The following TECPR2 variants were observed in gnomAD, a reference collection of about 807,000 sequenced individuals.
The protein encoded by TECPR2 is tectonin beta-propeller repeat-containing protein 2.
A neutral mutation model predicts 138.1 loss-of-function variants in TECPR2; 65 were observed. The ratio of observed to expected loss-of-function variants is 0.47; its 90% CI spans 0.39 to 0.58. TECPR2 has a LOEUF of 0.58. Ranked by LOEUF, TECPR2 falls within the 20% of genes least tolerant of loss-of-function variation. The probability of loss-of-function intolerance (pLI) is 0.00; values close to 1 mark genes in which losing one functional copy is unlikely to be tolerated. For synonymous variants in TECPR2, 746 were observed against 749.8 expected (o/e 0.99, Z 0.08); for missense variants, 1,553 against 1,824.5 (o/e 0.85, Z 2.71).
intron 17 of TECPR2, among the ~76,000 whole-genome samples, chr14:102,484,948 T>C (rs759181318): frequency 2.0e-5 from 3 of 152,228 alleles, no homozygotes; most frequent in Non-Finnish European, 4.4e-5. Context: ...CGCGAGCCAC[T>C]GCGCCCGCCC....
At position 102,470,247 on chromosome 14, in the gene TECPR2, T is replaced by C. The variant is rs531562397; in HGVS notation, c.3789+4958T>C. Reference sequence around the variant, plus strand: ...GTAGCCATGTAGGCCTGAACTTTTTTTGTGGGAAGTTTTTTTGACTACTGG... The same window carrying C: ...GTAGCCATGTAGGCCTGAACTTTTTCTGTGGGAAGTTTTTTTGACTACTGG... On this transcript the variant is annotated intron_variant, in intron 17 of 19. Transcript: ENST00000359520. Among the ~76,000 whole-genome samples, 7 of 152,290 alleles carry C rather than the reference T, an allele frequency of 4.6e-5. No homozygotes were observed. The South Asian group carries it at 1.5e-3, about 32-fold the overall frequency.
intron 1 of TECPR2, among the ~76,000 whole-genome samples, chr14:102,365,617 C>T (rs1196910045): frequency 6.6e-6 from 1 of 152,218 alleles, no homozygotes; most frequent in Non-Finnish European, 1.5e-5. Context: ...AGCAACCAGA[C>T]ACAAAATACC....
chr14:102,489,843 A>G (rs191891893), intron 17 of TECPR2, among the ~76,000 whole-genome samples: 1 of 152,140 alleles, frequency 6.6e-6, no homozygotes, highest in Admixed American at 6.5e-5. Flanking sequence ...AAACCAGGGG[A>G]CAGCTAGCCG....
chr14:102,439,630 C>T (rs17718254), intron 10 of TECPR2, among the ~76,000 whole-genome samples: 6,374 of 152,274 alleles, frequency 0.042, 157 homozygotes, highest in Middle Eastern at 0.092. Flanking sequence ...ACTGTGCTAG[C>T]GGGAACTCTG....
At chr14:102,468,125 C>T (rs60302027) in intron 17 of TECPR2, among the ~76,000 whole-genome samples, 14,485 of 151,438 alleles carry the variant, frequency 0.096, 985 homozygotes, top group African/African-American at 0.2. Context: ...GGATTACAGG[C>T]GTGTGCCACC....
intron 16 of TECPR2, among the ~76,000 whole-genome samples, chr14:102,460,198 A>G (rs1201721024): frequency 6.6e-6 from 1 of 152,104 alleles, no homozygotes; most frequent in Admixed American, 6.6e-5. Flanking sequence ...TGAACCCGAG[A>G]GGCAGAGGCT....
Position 102,420,719 on chromosome 14 carries a change from C to G in TECPR2, c.639-4260C>G, listed in dbSNP as rs1889157102. Among the ~76,000 whole-genome samples, 1 of 152,188 alleles carries G rather than the reference C, an allele frequency of 6.6e-6. No homozygotes were observed. The highest frequency in any genetic ancestry group is 6.5e-5 in the Admixed American group (1 of 15,278). On this transcript the variant is annotated intron_variant, in intron 5 of 19. Coordinates refer to ENST00000359520, the MANE Select transcript of TECPR2 (RefSeq NM_014844.5). The surrounding 1 kb of genome is among the most constrained non-coding windows in gnomAD (Gnocchi z 4.1). ...CTCCTGGGCTCAAGCAGTCCTCCCT[C>G]CTTGGCCTCCAAAAGTGCTGGGATT...
chr14:102,383,406 T>G (rs1015329969), intron 2 of TECPR2, among the ~76,000 whole-genome samples: 2 of 151,076 alleles, frequency 1.3e-5, no homozygotes, highest in African/African-American at 4.9e-5. Context: ...GTCTTTTTTG[T>G]TTTTTTTGTT....
intron 16 of TECPR2, among the ~76,000 whole-genome samples, chr14:102,462,815 A>C (rs898501878): frequency 6.6e-6 from 1 of 152,262 alleles, no homozygotes; most frequent in Admixed American, 6.5e-5. Context: ...CGTATCTGAC[A>C]AAAGACTAGT....
chr14:102,404,405 C>T lies in TECPR2; in HGVS notation c.220-2933C>T, dbSNP rs1283909386. On this transcript the variant is annotated intron_variant, in intron 2 of 19. Coordinates refer to ENST00000359520, the MANE Select transcript of TECPR2 (RefSeq NM_014844.5). ...AAAGAACAAAGCTGGAGATCTCAAA[C>T]TTCCTGAACTTAAAACTTAACTGCA... Among the ~76,000 whole-genome samples, 3 of 152,158 alleles carry T rather than the reference C, an allele frequency of 2.0e-5. No homozygotes were observed. The East Asian group carries it at 5.8e-4, about 29-fold the overall frequency.
chr14:102,465,874 C>T (rs910367724), intron 17 of TECPR2, among the ~76,000 whole-genome samples: 1 of 152,138 alleles, frequency 6.6e-6, no homozygotes, highest in African/African-American at 2.4e-5. Context: ...CCTTAAAGAT[C>T]CCACAGGCTT....
In TECPR2 at chr14:102,443,117, C is replaced by G. The variant is rs539618579; in HGVS notation, c.2753-530C>G. On this transcript the variant is annotated intron_variant, in intron 11 of 19. Coordinates refer to ENST00000359520, the MANE Select transcript of TECPR2 (RefSeq NM_014844.5). The surrounding 1 kb of genome is among the most constrained non-coding windows in gnomAD (Gnocchi z 4.9). ...AACGACTGCAGGCCTCAGGTCCCTG[C>G]CAACTCCAGCAGCGCTGCAGCCCTC... Among the ~76,000 whole-genome samples the G allele has an allele frequency of 1.3e-5, 2 of 152,366 alleles. No homozygotes were observed. Among genetic ancestry groups the G allele is most frequent in the East Asian group, 3.9e-4 (2 of 5,194 alleles).
At chr14:102,459,926 C>G (rs919044945) in intron 16 of TECPR2, among the ~76,000 whole-genome samples, 9 of 152,138 alleles carry the variant, frequency 5.9e-5, no homozygotes, top group Admixed American at 1.3e-4. Flanking sequence ...GCAGCACTAA[C>G]TCATTGTTAG....
intron 1 of TECPR2, among the ~76,000 whole-genome samples, chr14:102,371,625 A>C (rs919608233): frequency 2.0e-5 from 3 of 152,238 alleles, no homozygotes; most frequent in African/African-American, 7.2e-5. Context: ...CGTGTGAGGC[A>C]TAAATTGATA....
intron 17 of TECPR2, among the ~76,000 whole-genome samples, chr14:102,480,247 C>T (rs868126748): frequency 4.0e-5 from 6 of 148,912 alleles, no homozygotes; most frequent in South Asian, 2.1e-4. Flanking sequence ...TTATTTGAGA[C>T]GGAGTCTTGC....
intron 15 of TECPR2, among the ~76,000 whole-genome samples, chr14:102,451,871 A>G (rs529072503): frequency 6.6e-6 from 1 of 152,210 alleles, no homozygotes; most frequent in East Asian, 1.9e-4. Flanking sequence ...GAAGAGAAGC[A>G]CTTCCAGCTT....
At chr14:102,403,115 A>G (rs1888540822) in intron 2 of TECPR2, among the ~76,000 whole-genome samples, 1 of 152,236 alleles carries the variant, frequency 6.6e-6, no homozygotes, top group Non-Finnish European at 1.5e-5. Flanking sequence ...TCCCTCATGA[A>G]CATTGATGCA....
intron 11 of TECPR2, 24 bp downstream of exon 11, chr14:102,440,633 G>T: frequency 2.5e-6 from 4 of 1,603,682 alleles, no homozygotes; most frequent in Non-Finnish European, 3.4e-6. Context: ...ACGCTTAGAG[G>T]CCTGCCAGCT....
At chr14:102,407,039 T>C (rs756012129) in intron 2 of TECPR2, among the ~76,000 whole-genome samples, 7 of 152,072 alleles carry the variant, frequency 4.6e-5, no homozygotes, top group Admixed American at 1.3e-4. Context: ...TTTGTGTTTT[T>C]AGTAGAGACG....
Sources: allele counts gnomAD v4.1 joint callset (sites outside exome capture counted in the v4.1 genomes callset), GRCh38; gene constraint gnomAD v4.1.1; non-coding constraint Gnocchi (gnomAD v3.1); transcripts MANE v1.5; gene names NCBI Gene and HGNC (gene_info 2026-07-23, HGNC 2026-07-21).